OSBPL10: variants seen among roughly 807,000 people sequenced by gnomAD.
OSBPL10 encodes the protein oxysterol-binding protein-related protein 10.
A neutral mutation model predicts 81.7 loss-of-function variants in OSBPL10; 49 were observed. The ratio of observed to expected loss-of-function variants is 0.60; its 90% CI spans 0.48 to 0.76. The LOEUF is 0.76. Among genes scored for constraint, OSBPL10 ranks in the 30% least tolerant of loss-of-function variants. The pLI is 0.00. For synonymous variants in OSBPL10, 419 were observed against 383.6 expected, an observed-to-expected ratio of 1.09 and a Z score of -1.08; for missense variants, 923 against 987.8, an observed-to-expected ratio of 0.93 and a Z score of 0.88.
At position 31,993,312 on chromosome 3, in the gene OSBPL10, C is replaced by T. The variant is rs192461935; in HGVS notation, n.298+53179G>A. Among the ~76,000 whole-genome samples, 1,308 of 151,910 alleles carry T rather than the reference C, an allele frequency of 8.6e-3. 26 individuals carry two copies. Among genetic ancestry groups the T allele is most frequent in the African/African-American group, 0.03 (1,229 of 41,302 alleles). ...ACAACTTCCACCTCCCAGGTTCAAG[C>T]ACTTCTCCTGCCTCAGCCTCCCGGT... On this transcript the variant is annotated intron_variant and non_coding_transcript_variant, in intron 2 of 3. Coordinates refer to the OSBPL10 transcript ENST00000479173.
chr3:31,896,749 T>C (rs1052233866), intron 1 of OSBPL10, among the ~76,000 whole-genome samples: 1 of 152,168 alleles, frequency 6.6e-6, no homozygotes, highest in African/African-American at 2.4e-5. Context: ...GGAAGAAGAA[T>C]GGTGGGCCAG....
chr3:31,762,805 G>A (rs1467289439), intron 4 of OSBPL10, among the ~76,000 whole-genome samples: 3 of 151,444 alleles, frequency 2.0e-5, no homozygotes, highest in Non-Finnish European at 4.4e-5. Flanking sequence ...ACAATCCTGG[G>A]GCTGAAAGAG....
rs527285287 is a variant in OSBPL10 at position 31,663,578 on chromosome 3, G to T, written c.2250+501C>A. Reference sequence around the variant, plus strand: ...TGACAGCAACAGCATTTTAGGCACAGGACTCAGGCTGGCCTTCCCCTGCAT... The same window carrying T: ...TGACAGCAACAGCATTTTAGGCACATGACTCAGGCTGGCCTTCCCCTGCAT... On this transcript the variant is annotated intron_variant, in intron 11 of 11. Transcript: ENST00000396556. 72 of 1,015,536 alleles carry T rather than the reference G, an allele frequency of 7.1e-5. No homozygotes were observed. In the African/African-American group the frequency reaches 1.0e-3, roughly 15 times the overall value. 62.9% of individuals were successfully genotyped at this position (1,015,536 alleles called of 1,614,324 possible).
At chr3:31,950,978 AC>A (rs1446509236) in intron 1 of OSBPL10, among the ~76,000 whole-genome samples, 15 of 152,292 alleles carry the variant, frequency 9.8e-5, no homozygotes, top group African/African-American at 3.6e-4. Flanking sequence ...TTTATAAATT[AC>A]CCAGTCTCAG....
At chr3:31,846,133 C>G (rs1315820358) in intron 3 of OSBPL10, among the ~76,000 whole-genome samples, 1 of 152,172 alleles carries the variant, frequency 6.6e-6, no homozygotes, top group Non-Finnish European at 1.5e-5. Flanking sequence ...CTGCCTCAGC[C>G]TCCCGCGTGG....
intron 7 of OSBPL10, among the ~76,000 whole-genome samples, chr3:31,688,555 C>A (rs2125560757): frequency 1.3e-5 from 2 of 152,228 alleles, no homozygotes; most frequent in Middle Eastern, 6.8e-3. Flanking sequence ...ACACCTGACT[C>A]CTTAATACCT....
At chr3:32,030,157 C>A in intron 2 of OSBPL10, 1 of 214,754 alleles carries the variant, frequency 4.7e-6, no homozygotes, top group East Asian at 1.3e-4. Context: ...TTACTGCTTC[C>A]TTTCGGCCAG....
rs746206422 is a variant in OSBPL10 at position 31,830,103 on chromosome 3, C to T, written c.666G>A (p.Lys222=). 1.9e-6 allele frequency: 3 copies of T among 1,614,110 alleles called. No individual in the cohort carries two copies. The highest frequency in any genetic ancestry group is 1.7e-6 in the Non-Finnish European group (2 of 1,180,020). ...TGGCTCTTCGGGCGGCTGCAGGCGA[C>T]TTGTGATGCGTGATTGTGACAACAC... ...APGVVTITHH[K]SPAAARRAKS... The change falls in exon 4 of 12, where the codon AAG becomes AAA. Residue 222 remains lysine (K), a synonymous_variant. Coordinates refer to ENST00000396556, the MANE Select transcript of OSBPL10 (RefSeq NM_017784.5).
intron 7 of OSBPL10, among the ~76,000 whole-genome samples, chr3:31,684,601 A>T (rs1575474352): frequency 6.6e-6 from 1 of 152,140 alleles, no homozygotes; most frequent in Non-Finnish European, 1.5e-5. Flanking sequence ...GCAGACCAGG[A>T]CCCACCACCA....
At chr3:31,968,043 A>G (rs1321247814) in intron 1 of OSBPL10, among the ~76,000 whole-genome samples, 1 of 152,248 alleles carries the variant, frequency 6.6e-6, no homozygotes, top group African/African-American at 2.4e-5. Flanking sequence ...AATAATACAA[A>G]TAAGTATTTA....
chr3:32,015,048 C>T (rs374872747), intron 2 of OSBPL10, among the ~76,000 whole-genome samples: 1 of 152,148 alleles, frequency 6.6e-6, no homozygotes, highest in East Asian at 1.9e-4. Flanking sequence ...TCAATGCCAT[C>T]CCCATCAAGC....
At chr3:31,817,003 C>T (rs996328559) in intron 4 of OSBPL10, among the ~76,000 whole-genome samples, 2 of 152,216 alleles carry the variant, frequency 1.3e-5, no homozygotes, top group African/African-American at 4.8e-5. Context: ...TCTTCGTCCC[C>T]TGGCCATCTC....
At chr3:31,733,558 G>C (rs1697040987) in intron 5 of OSBPL10, 147 bp from the exon 6 acceptor site, 1 of 876,702 alleles carries the variant, frequency 1.1e-6, no homozygotes, top group Admixed American at 2.2e-5. Flanking sequence ...GAAGTACCAA[G>C]TGCAGATTCT....
intron 4 of OSBPL10, among the ~76,000 whole-genome samples, chr3:31,818,663 T>A (rs1302476804): frequency 6.6e-6 from 1 of 152,168 alleles, no homozygotes; most frequent in Non-Finnish European, 1.5e-5. Context: ...CGCTGTTTTG[T>A]TCAGTCTCTA....
In OSBPL10 at chr3:31,683,734, G is replaced by A; in HGVS notation, c.1626C>T (p.Phe542=). 1.2e-6 allele frequency: 2 copies of A among 1,614,218 alleles called. No homozygotes were observed. The highest frequency in any genetic ancestry group is 1.7e-6 in the Non-Finnish European group (2 of 1,180,044). ...GTCTCTTCTCCTCGCACTCACAGTA[G>A]AAGCAGGAGATGGGTGGGTGATGGG... ...QVSHHPPISC[F]YCECEEKRLC... is the part of the protein sequence containing the mutation. The change falls in exon 8 of 12, where the codon TTC becomes TTT. Residue 542 remains phenylalanine (F), a synonymous_variant. Coordinates refer to ENST00000396556, the MANE Select transcript of OSBPL10 (RefSeq NM_017784.5).
intron 1 of OSBPL10, among the ~76,000 whole-genome samples, chr3:31,965,849 A>T (rs1575066445): frequency 1.2e-4 from 7 of 60,564 alleles, no homozygotes; most frequent in African/African-American, 2.6e-4. Context: ...ATATTATATA[A>T]AAAGATAATA....
At chr3:31,878,832 T>G (rs911840249) in intron 2 of OSBPL10, among the ~76,000 whole-genome samples, 4 of 151,940 alleles carry the variant, frequency 2.6e-5, no homozygotes, top group African/African-American at 9.7e-5. Context: ...TGTGTGTGTG[T>G]GTGTGTGTGT....
chr3:31,790,743 C>T (rs1698988958), intron 4 of OSBPL10, among the ~76,000 whole-genome samples: 1 of 152,174 alleles, frequency 6.6e-6, no homozygotes, highest in Non-Finnish European at 1.5e-5. Flanking sequence ...CACCTGGTGA[C>T]CCTGATAATA....
At chr3:31,804,345 C>T (rs547931798) in intron 4 of OSBPL10, among the ~76,000 whole-genome samples, 1 of 152,034 alleles carries the variant, frequency 6.6e-6, no homozygotes, top group African/African-American at 2.4e-5. Context: ...ATTAGAAAAA[C>T]GAGGCAAGGA....
Sources: allele counts gnomAD v4.1 joint callset (sites outside exome capture counted in the v4.1 genomes callset), GRCh38; gene constraint gnomAD v4.1.1; transcripts MANE v1.5; gene names NCBI Gene and HGNC (gene_info 2026-07-23, HGNC 2026-07-21).